PRKN: variants seen among roughly 807,000 people sequenced by gnomAD.
PRKN encodes parkin RBR E3 ubiquitin protein ligase, also known as E3 ubiquitin-protein ligase parkin.
A neutral mutation model predicts 59.5 loss-of-function variants in PRKN; 56 were observed. That is an observed-to-expected ratio of 0.94 (90% CI 0.76 to 1.18). The LOEUF (loss-of-function observed/expected upper bound fraction) is 1.18, where lower values mean the gene tolerates loss of function less well. PRKN is among the 50% of genes most tolerant of loss of function. The pLI is 0.00. For missense variants in PRKN, 657 were observed against 596.4 expected, an observed-to-expected ratio of 1.10 and a Z score of -1.06; for synonymous variants, 250 against 222.1, an observed-to-expected ratio of 1.13 and a Z score of -1.12.
rs1241673128 is a variant in PRKN at position 161,533,003 on chromosome 6, A to T, written c.1083+15851T>A. The stretch of plus-strand genomic sequence containing the variant: ...GCTATTTCAGACTTGTAAATATTAA[A>T]CTCATATTTTTAGATTTAAAAAAGG... On this transcript the variant is annotated intron_variant, in intron 9 of 11. Transcript: ENST00000366898. This position sits in a 1 kb window ranked among gnomAD's most constrained non-coding sequence, Gnocchi z 4.1. Among the ~76,000 whole-genome samples the T allele has an allele frequency of 6.6e-6, 1 of 152,156 alleles. No individual in the cohort carries two copies. Among genetic ancestry groups the T allele is most frequent in the African/African-American group, 2.4e-5 (1 of 41,436 alleles).
intron 4 of PRKN, among the ~76,000 whole-genome samples, chr6:162,133,086 T>C (rs921542285): frequency 1.3e-5 from 2 of 152,098 alleles, no homozygotes; most frequent in African/African-American, 4.8e-5. Context: ...GTGAATGTGA[T>C]GGGCAGGCAG....
chr6:161,709,677 C>G (rs1240473776), intron 7 of PRKN, among the ~76,000 whole-genome samples: 2 of 152,150 alleles, frequency 1.3e-5, no homozygotes, highest in African/African-American at 4.8e-5. Flanking sequence ...CCAAACACTT[C>G]ACCTGTTATT....
intron 7 of PRKN, among the ~76,000 whole-genome samples, chr6:161,711,935 CTT>C (rs1786766366): frequency 6.6e-6 from 1 of 152,184 alleles, no homozygotes; most frequent in South Asian, 2.1e-4. Context: ...GGCTTTCCTA[CTT>C]TTGAGGTTTT....
chr6:161,875,456 G>A (rs933661070), intron 6 of PRKN, among the ~76,000 whole-genome samples: 1 of 152,098 alleles, frequency 6.6e-6, no homozygotes, highest in Admixed American at 6.5e-5. Flanking sequence ...GCCTCCCAAA[G>A]TGCTGGGATT....
intron 7 of PRKN, among the ~76,000 whole-genome samples, chr6:161,670,606 G>A (rs1784873074): frequency 1.3e-5 from 2 of 152,196 alleles, no homozygotes; most frequent in Non-Finnish European, 2.9e-5. Flanking sequence ...ATGAGGTCAG[G>A]AGATCGAGAC....
intron 9 of PRKN, among the ~76,000 whole-genome samples, chr6:161,430,404 T>A (rs542974752): frequency 2.0e-5 from 3 of 152,332 alleles, no homozygotes; most frequent in Admixed American, 2.0e-4. Context: ...AGCAGAATGA[T>A]AGCAATTTTC....
chr6:162,021,856 A>T (rs767572443), intron 5 of PRKN, among the ~76,000 whole-genome samples: 1 of 151,736 alleles, frequency 6.6e-6, no homozygotes, highest in African/African-American at 2.4e-5. Flanking sequence ...TTCCCTCCCT[A>T]CTTTAGAATT....
At chr6:162,716,465 C>T (rs551363597) in intron 1 of PRKN, among the ~76,000 whole-genome samples, 15 of 152,328 alleles carry the variant, frequency 9.8e-5, no homozygotes, top group Non-Finnish European at 1.6e-4. Flanking sequence ...GTCTAACGCT[C>T]ATAGGGAACT....
intron 8 of PRKN, among the ~76,000 whole-genome samples, chr6:161,564,253 T>C (rs530542229): frequency 9.1e-4 from 138 of 152,166 alleles, no homozygotes; most frequent in Non-Finnish European, 1.6e-3. Context: ...GGTCTTGTCA[T>C]GAATAATCAG....
intron 2 of PRKN, among the ~76,000 whole-genome samples, chr6:162,268,823 A>G (rs1780245504): frequency 1.3e-5 from 2 of 152,322 alleles, no homozygotes; most frequent in Non-Finnish European, 2.9e-5. Context: ...ACAGGGGCCC[A>G]TGGTGAAGAC....
intron 9 of PRKN, among the ~76,000 whole-genome samples, chr6:161,479,769 G>C (rs1452730669): frequency 3.3e-5 from 5 of 152,192 alleles, no homozygotes; most frequent in African/African-American, 1.2e-4. Flanking sequence ...TCTGAAGGGT[G>C]GCTTGCACAA....
intron 1 of PRKN, among the ~76,000 whole-genome samples, chr6:162,493,917 G>C (rs1274625046): frequency 3.9e-5 from 6 of 152,312 alleles, no homozygotes; most frequent in Admixed American, 1.3e-4. Flanking sequence ...CCATTTGTGA[G>C]ATGAGGGAGA....
At chr6:162,017,897 C>A in intron 5 of PRKN, among the ~76,000 whole-genome samples, 1 of 137,336 alleles carries the variant, frequency 7.3e-6, no homozygotes, top group South Asian at 2.3e-4. Context: ...AAAAAGAAAC[C>A]CCGAGAGAGC....
rs1789738673 is a variant in PRKN at position 161,451,507 on chromosome 6, G to A, written c.1084-64630C>T. Among the ~76,000 whole-genome samples the A allele has an allele frequency of 2.0e-5, 3 of 152,224 alleles. No homozygotes were observed. The highest frequency in any genetic ancestry group is 4.1e-4 in the South Asian group (2 of 4,820). ...CAGCCTCAGGATACCACCTGCCCAC[G>A]GCCCACCTGAGGGAACCTGCTGCCC... On this transcript the variant is annotated intron_variant, in intron 9 of 11. Coordinates refer to ENST00000366898, the MANE Select transcript of PRKN (RefSeq NM_004562.3). This position sits in a 1 kb window ranked among gnomAD's most constrained non-coding sequence, Gnocchi z 5.9.
intron 1 of PRKN, among the ~76,000 whole-genome samples, chr6:162,471,513 T>G (rs1041521747): frequency 2.0e-5 from 3 of 152,232 alleles, no homozygotes; most frequent in Non-Finnish European, 4.4e-5. Flanking sequence ...TTCTAACCTG[T>G]GGCTTCCACT....
At chr6:162,199,671 C>G (rs1752314479) in intron 4 of PRKN, among the ~76,000 whole-genome samples, 1 of 152,160 alleles carries the variant, frequency 6.6e-6, no homozygotes, top group Non-Finnish European at 1.5e-5. Context: ...CAAGAACTGT[C>G]CCAGAAAGAG....
intron 1 of PRKN, among the ~76,000 whole-genome samples, chr6:162,579,688 CAT>C (rs1345524703): frequency 3.5e-5 from 5 of 143,822 alleles, no homozygotes; most frequent in African/African-American, 5.6e-5. Context: ...TTCACACACA[CAT>C]ACATAAACAC....
intron 4 of PRKN, among the ~76,000 whole-genome samples, chr6:162,165,017 T>C (rs1562552991): frequency 6.7e-6 from 1 of 148,176 alleles, no homozygotes; most frequent in Non-Finnish European, 1.5e-5. Context: ...TGTCTTTATA[T>C]AGAAACAGGC....
chr6:161,630,067 A>C (rs1406713735), intron 7 of PRKN, among the ~76,000 whole-genome samples: 1 of 152,236 alleles, frequency 6.6e-6, no homozygotes, highest in Non-Finnish European at 1.5e-5. Flanking sequence ...CACCCACGGT[A>C]TCATAATAAC....
Sources: allele counts gnomAD v4.1 joint callset (sites outside exome capture counted in the v4.1 genomes callset), GRCh38; gene constraint gnomAD v4.1.1; non-coding constraint Gnocchi (gnomAD v3.1); transcripts MANE v1.5; gene names NCBI Gene and HGNC (gene_info 2026-07-23, HGNC 2026-07-21).